AHCTF1: variants seen among roughly 807,000 people sequenced by gnomAD.
The protein encoded by AHCTF1 is protein ELYS.
In AHCTF1, 24 loss-of-function variants were observed where a neutral mutation model predicts 248.4. That is an observed-to-expected ratio of 0.10 (90% confidence interval 0.07 to 0.14). AHCTF1 has a LOEUF of 0.14. Ranked by LOEUF, AHCTF1 falls within the 10% of genes least tolerant of loss-of-function variation. The probability of loss-of-function intolerance (pLI) is 1.00; values close to 1 mark genes in which losing one functional copy is unlikely to be tolerated. For missense variants in AHCTF1, 2,206 were observed against 2,636.2 expected (o/e 0.84, Z 3.57); for synonymous variants, 786 against 929.8 (o/e 0.85, Z 2.81).
intron 34 of AHCTF1, among the ~76,000 whole-genome samples, chr1:246,843,059 T>C (rs1023845448): frequency 1.3e-5 from 2 of 151,818 alleles, no homozygotes; most frequent in African/African-American, 4.9e-5. Context: ...TTTGTCCAGA[T>C]CCAGGCTCTC....
At chr1:246,856,225 TAGAA>T (rs1558217350) in intron 30 of AHCTF1, among the ~76,000 whole-genome samples, 1 of 152,192 alleles carries the variant, frequency 6.6e-6, no homozygotes, top group Non-Finnish European at 1.5e-5. Context: ...TAATGCTACC[TAGAA>T]AAAGTATGAT....
chr1:246,876,321 C>T (rs1662963131), intron 23 of AHCTF1, 134 bp from the exon 24 acceptor site: 3 of 725,544 alleles, frequency 4.1e-6, no homozygotes, highest in Non-Finnish European at 4.2e-6. Context: ...TTTTTCCAAA[C>T]CAAGAACTTC....
chr1:246,910,296 C>T (rs1370155661), intron 4 of AHCTF1, among the ~76,000 whole-genome samples: 1 of 152,202 alleles, frequency 6.6e-6, no homozygotes, highest in Non-Finnish European at 1.5e-5. Flanking sequence ...AGACTTGAGA[C>T]TTAACTGTCA....
intron 20 of AHCTF1, among the ~76,000 whole-genome samples, 196 bp from the exon 21 acceptor site, chr1:246,885,876 G>A (rs1039320944): frequency 2.0e-5 from 3 of 152,162 alleles, no homozygotes; most frequent in Non-Finnish European, 4.4e-5. Flanking sequence ...ACTGAACTAA[G>A]TGCAGATAGA....
intron 35 of AHCTF1, among the ~76,000 whole-genome samples, chr1:246,841,534 C>G (rs1659865362): frequency 6.6e-6 from 1 of 152,176 alleles, no homozygotes; most frequent in Non-Finnish European, 1.5e-5. Flanking sequence ...GCCTACTAAG[C>G]ACAGCATAAA....
At chr1:246,853,368 A>AGAAAGGAAAAGGCTACACTGCACTT (rs1301098058) in intron 31 of AHCTF1, 69 bp from the exon 32 acceptor site, 5 of 1,296,574 alleles carry the variant, frequency 3.9e-6, no homozygotes, top group Non-Finnish European at 1.1e-6. Context: ...GGAAGCAAAC[A>AGAAAGGAAAAGGCTACACTGCACTT]GAAAGGAAAA....
chr1:246,844,584 T>C (rs1417807646), intron 33 of AHCTF1, among the ~76,000 whole-genome samples: 1 of 152,010 alleles, frequency 6.6e-6, no homozygotes, highest in African/African-American at 2.4e-5. Flanking sequence ...GATTAGCCAA[T>C]GTGGTGGTGC....
At chr1:246,922,750 A>G (rs553052423) in intron 1 of AHCTF1, among the ~76,000 whole-genome samples, 103 of 151,508 alleles carry the variant, frequency 6.8e-4, no homozygotes, top group African/African-American at 2.4e-3. Flanking sequence ...TGGGAGGCCA[A>G]GGAGGGCGGA....
chr1:246,841,001 GAAA>G lies in AHCTF1; in HGVS notation c.6609-6_6609-4del. 1 of 1,568,808 alleles carries G rather than the reference GAAA, an allele frequency of 6.4e-7. No homozygotes were observed. On this transcript the variant is annotated splice_polypyrimidine_tract_variant and splice_region_variant and intron_variant, in intron 35 of 35. Coordinates refer to ENST00000648844, the MANE Select transcript of AHCTF1 (RefSeq NM_001323342.2). Reference sequence around the variant, plus strand: ...AAGCACTTTCTTTTTCTGTGTTTCTGAAAAAAAAAGATATGATCAAGTAAGAAT... The same window carrying G: ...AAGCACTTTCTTTTTCTGTGTTTCTGAAAAAAGATATGATCAAGTAAGAAT...
intron 12 of AHCTF1, among the ~76,000 whole-genome samples, chr1:246,896,217 G>A (rs922561470): frequency 6.6e-6 from 1 of 152,018 alleles, no homozygotes; most frequent in African/African-American, 2.4e-5. Context: ...CCACACCTAG[G>A]TATATACCAA....
intron 3 of AHCTF1, 51 bp from the exon 4 acceptor site, chr1:246,913,463 T>C (rs375132592): frequency 1.8e-5 from 28 of 1,519,060 alleles, no homozygotes; most frequent in Non-Finnish European, 2.2e-5. Flanking sequence ...TAAGAAAATA[T>C]AATTAACACA....
intron 16 of AHCTF1, among the ~76,000 whole-genome samples, chr1:246,890,536 C>T (rs895320208): frequency 6.6e-6 from 1 of 151,982 alleles, no homozygotes; most frequent in Non-Finnish European, 1.5e-5. Flanking sequence ...ATTGTTGGTA[C>T]TGGCATAAAT....
intron 11 of AHCTF1, among the ~76,000 whole-genome samples, 200 bp from the exon 12 acceptor site, chr1:246,898,536 A>G (rs1664763548): frequency 6.6e-6 from 1 of 152,212 alleles, no homozygotes; most frequent in East Asian, 1.9e-4. Flanking sequence ...TACTACTATT[A>G]GCAAAAGGTA....
At chr1:246,918,076 A>G (rs940497953) in intron 2 of AHCTF1, among the ~76,000 whole-genome samples, 174 bp downstream of exon 2, 1 of 152,206 alleles carries the variant, frequency 6.6e-6, no homozygotes, top group Non-Finnish European at 1.5e-5. Context: ...AGGTTCACTG[A>G]TAACATGTTT....
rs1660834896 is a variant in AHCTF1, at chr1:246,853,081, T to C, written c.4563+10A>G. The C allele has an allele frequency of 6.3e-7, 1 of 1,586,738 alleles. No individual in the cohort carries two copies. The highest frequency in any genetic ancestry group is 1.4e-5 in the African/African-American group (1 of 73,630). On this transcript the variant is annotated intron_variant, in intron 32 of 35. Coordinates refer to ENST00000648844, the MANE Select transcript of AHCTF1 (RefSeq NM_001323342.2). ...GACTGATAAAGAAGTAAAAAATTAA[T>C]TTTTTTTACATGAATTTCTTGAGTA...
At chr1:246,918,206 A>G (rs1453339879) in intron 2 of AHCTF1, 44 bp downstream of exon 2, 1 of 1,543,270 alleles carries the variant, frequency 6.5e-7, no homozygotes, top group African/African-American at 1.4e-5. Flanking sequence ...TATTTATCTT[A>G]CAAATCAATT....
chr1:246,880,419 C>T (rs1208074767), intron 21 of AHCTF1, among the ~76,000 whole-genome samples: 3 of 151,850 alleles, frequency 2.0e-5, no homozygotes, highest in African/African-American at 7.2e-5. Context: ...CAAAAATTAG[C>T]TGGTCATGGT....
chr1:246,927,648 G>C (rs186414551), intron 1 of AHCTF1, among the ~76,000 whole-genome samples: 4 of 152,348 alleles, frequency 2.6e-5, no homozygotes, highest in Admixed American at 2.6e-4. Flanking sequence ...AATTTACTAA[G>C]TTTCAATTCC....
At position 246,842,779 on chromosome 1, in the gene AHCTF1, A is replaced by G. The variant is rs1247267459; in HGVS notation, c.6526-3T>C. The G allele has an allele frequency of 6.8e-6, 11 of 1,611,916 alleles. No individual in the cohort carries two copies. Among genetic ancestry groups the G allele is most frequent in the Non-Finnish European group, 9.3e-6 (11 of 1,178,428 alleles). ...TCTACTGATTGTGCATCATCTTTCTATGGGTTAAACATTTTAAAAGGTTAA... is the reference window on the plus strand; with the variant it reads ...TCTACTGATTGTGCATCATCTTTCTGTGGGTTAAACATTTTAAAAGGTTAA... On this transcript the variant is annotated splice_polypyrimidine_tract_variant and splice_region_variant and intron_variant, in intron 34 of 35. Transcript: ENST00000648844.
Sources: allele counts gnomAD v4.1 joint callset (sites outside exome capture counted in the v4.1 genomes callset), GRCh38; gene constraint gnomAD v4.1.1; transcripts MANE v1.5; gene names NCBI Gene and HGNC (gene_info 2026-07-23, HGNC 2026-07-21).